Variants in MCM8 observed in about 807,000 individuals in gnomAD.
MCM8 encodes DNA helicase MCM8.
A neutral mutation model predicts 98.9 loss-of-function variants in MCM8; 85 were observed. The observed-to-expected ratio is 0.86, with a 90% CI of 0.72 to 1.03. The LOEUF is 1.03. MCM8 is among the 50% of genes least tolerant of loss of function. The pLI, the probability that MCM8 is intolerant of heterozygous loss-of-function variation, is 0.00. For missense variants in MCM8, 951 were observed against 997.8 expected (o/e 0.95, Z 0.63); for synonymous variants, 352 against 338.6 (o/e 1.04, Z -0.44).
chr20:5,953,596 C>A (rs541609910), intron 3 of MCM8, among the ~76,000 whole-genome samples: 2 of 152,134 alleles, frequency 1.3e-5, no homozygotes, highest in South Asian at 2.1e-4. Context: ...GCCTCAGCCT[C>A]CCGAGTAGCT....
At position 5,984,832 on chromosome 20, in the gene MCM8, T is replaced by C; in HGVS notation, c.1785T>C (p.Asp595=). The C allele has an allele frequency of 1.2e-6, 2 of 1,614,140 alleles. No individual in the cohort carries two copies. The highest frequency in any genetic ancestry group is 1.7e-6 in the Non-Finnish European group (2 of 1,179,984). Residue 595 remains aspartate (D), a synonymous_variant, in exon 15 of 19, where the codon GAT becomes GAC. Coordinates refer to ENST00000610722, the MANE Select transcript of MCM8 (RefSeq NM_032485.6). Reference sequence around the variant, plus strand: ...TTGATTTGGTCTTTATCCTGTTAGATACTCCAAATGAGCATCATGATCACT... The same window carrying C: ...TTGATTTGGTCTTTATCCTGTTAGACACTCCAAATGAGCATCATGATCACT... ...SRFDLVFILL[D]TPNEHHDHLL...
chr20:5,958,688 T>G lies in MCM8; in HGVS notation c.751T>G (p.Phe251Val). The G allele has an allele frequency of 6.2e-7, 1 of 1,614,152 alleles. No individual in the cohort carries two copies. The highest frequency in any genetic ancestry group is 1.1e-5 in the South Asian group (1 of 91,088). Residue 251 changes from phenylalanine to valine, a missense_variant, in exon 7 of 19, where the codon TTT becomes GTT. By Grantham distance (50) the Phe-to-Val change is conservative (BLOSUM62 -1). Transcript: ENST00000610722. Reference sequence around the variant, plus strand: ...TGCTGCATGTGGAGAAATTCAGAGCTTTCCTCTTCCAGATGGAAAATACAG... The same window carrying G: ...TGCTGCATGTGGAGAAATTCAGAGCGTTCCTCTTCCAGATGGAAAATACAG... ...LCAACGEIQS[F>V]PLPDGKYSLP...
At chr20:5,962,470 G>A (rs1368251622) in intron 7 of MCM8, among the ~76,000 whole-genome samples, 1 of 89,276 alleles carries the variant, frequency 1.1e-5, no homozygotes, top group Non-Finnish European at 1.8e-5. Context: ...CGCTTCCCGG[G>A]TTCACGCCAT....
chr20:5,991,661 G>T (rs1188148881), intron 17 of MCM8, among the ~76,000 whole-genome samples: 1 of 152,168 alleles, frequency 6.6e-6, no homozygotes, highest in Non-Finnish European at 1.5e-5. Context: ...AATGAAATTA[G>T]ATTATGAATT....
intron 17 of MCM8, among the ~76,000 whole-genome samples, chr20:5,988,273 C>A (rs2122822586): frequency 6.6e-6 from 1 of 152,066 alleles, no homozygotes; most frequent in African/African-American, 2.4e-5. Flanking sequence ...CCAGTCTGGG[C>A]AACATGGTGA....
Sources: allele counts gnomAD v4.1 joint callset (sites outside exome capture counted in the v4.1 genomes callset), GRCh38; gene constraint gnomAD v4.1.1; transcripts MANE v1.5; gene names NCBI Gene and HGNC (gene_info 2026-07-23, HGNC 2026-07-21).